Variants in SENP7 observed in about 807,000 individuals in gnomAD.
The protein encoded by SENP7 is SUMO specific peptidase 7.
A neutral mutation model predicts 141.2 loss-of-function variants in SENP7; 64 were observed. The ratio of observed to expected loss-of-function variants is 0.45; its 90% confidence interval spans 0.37 to 0.56. The LOEUF is 0.56. SENP7 is among the 20% of genes least tolerant of loss of function. The probability of loss-of-function intolerance (pLI) is 0.00; values close to 1 mark genes in which losing one functional copy is unlikely to be tolerated. For synonymous variants in SENP7, 382 were observed against 426.4 expected (o/e 0.90, Z 1.28); for missense variants, 1,025 against 1,212.2 (o/e 0.85, Z 2.29).
At chr3:101,429,734 G>A (rs2062091596) in intron 4 of SENP7, among the ~76,000 whole-genome samples, 1 of 152,128 alleles carries the variant, frequency 6.6e-6, no homozygotes, top group South Asian at 2.1e-4. Flanking sequence ...ACGTTGAATA[G>A]GAGTAGTAAG....
intron 4 of SENP7, among the ~76,000 whole-genome samples, chr3:101,438,252 T>C (rs1320274761): frequency 6.6e-6 from 1 of 152,196 alleles, no homozygotes; most frequent in African/African-American, 2.4e-5. Context: ...TTATTCACCT[T>C]TCAAAAGGAA....
At chr3:101,497,887 C>T (rs1053845807) in intron 2 of SENP7, among the ~76,000 whole-genome samples, 1 of 152,234 alleles carries the variant, frequency 6.6e-6, no homozygotes, top group Non-Finnish European at 1.5e-5. Context: ...ATCACAGCCT[C>T]AACTCCCCTG....
chr3:101,425,249 A>G (rs996781705), intron 4 of SENP7, among the ~76,000 whole-genome samples: 1 of 152,130 alleles, frequency 6.6e-6, no homozygotes, highest in African/African-American at 2.4e-5. Context: ...TTTAGCTGAC[A>G]CCACCCATTG....
intron 3 of SENP7, among the ~76,000 whole-genome samples, chr3:101,489,163 G>A (rs556264302): frequency 6.6e-6 from 1 of 152,130 alleles, no homozygotes; most frequent in Non-Finnish European, 1.5e-5. Context: ...GTCCTTAAGG[G>A]AGTACTAAAC....
At chr3:101,416,084 G>A (rs2061612258) in intron 5 of SENP7, among the ~76,000 whole-genome samples, 1 of 152,186 alleles carries the variant, frequency 6.6e-6, no homozygotes, top group African/African-American at 2.4e-5. Context: ...ACAGGCACAA[G>A]TTTGAGAAAA....
chr3:101,358,278 A>G (rs1310631430), intron 11 of SENP7: 2 of 1,069,198 alleles, frequency 1.9e-6, no homozygotes, highest in African/African-American at 3.2e-5. Context: ...GAATGTGGCA[A>G]AGCTTTTAAC....
At position 101,409,796 on chromosome 3, in the gene SENP7, T is replaced by A. The variant is rs561832486; in HGVS notation, c.482+7797A>T. On this transcript the variant is annotated intron_variant, in intron 5 of 23. Coordinates refer to ENST00000394095, the MANE Select transcript of SENP7 (RefSeq NM_020654.5). ...GTACAAAAATCAACTCAAGATGGAT[T>A]AAGGACTTAAATCTAAGACCTGAAT... Among the ~76,000 whole-genome samples, 9 of 152,306 alleles carry A rather than the reference T, an allele frequency of 5.9e-5. No individual in the cohort carries two copies. The South Asian group carries it at 1.7e-3, about 28-fold the overall frequency.
chr3:101,362,948 T>C (rs1308954680), intron 10 of SENP7, among the ~76,000 whole-genome samples: 1 of 152,190 alleles, frequency 6.6e-6, no homozygotes, highest in Non-Finnish European at 1.5e-5. Flanking sequence ...TTTCAACTTT[T>C]TCAAATGTGC....
chr3:101,455,526 CA>C (rs1044060432), intron 4 of SENP7, among the ~76,000 whole-genome samples: 29 of 151,858 alleles, frequency 1.9e-4, no homozygotes, highest in African/African-American at 6.8e-4. Context: ...GGAAGAACAG[CA>C]TAATTTGATT....
chr3:101,367,764 C>G (rs1318526847), intron 8 of SENP7, 66 bp downstream of exon 8: 1 of 1,027,088 alleles, frequency 9.7e-7, no homozygotes, highest in African/African-American at 1.7e-5. Flanking sequence ...ATTATTTGGC[C>G]ACAGTCAACT....
chr3:101,444,114 T>A (rs916575270), intron 4 of SENP7, among the ~76,000 whole-genome samples: 2 of 133,884 alleles, frequency 1.5e-5, no homozygotes, highest in African/African-American at 5.3e-5. Context: ...AAGAAGACAT[T>A]TATGCAGCCA....
At chr3:101,429,175 C>T (rs1279976949) in intron 4 of SENP7, among the ~76,000 whole-genome samples, 1 of 151,340 alleles carries the variant, frequency 6.6e-6, no homozygotes, top group African/African-American at 2.4e-5. Context: ...GCTACGCGGG[C>T]TCTTTTTTGG....
At chr3:101,412,590 A>G in intron 5 of SENP7, among the ~76,000 whole-genome samples, 1 of 152,226 alleles carries the variant, frequency 6.6e-6, no homozygotes, top group South Asian at 2.1e-4. Context: ...AAGATAAATA[A>G]ATATATTTAC....
intron 13 of SENP7, among the ~76,000 whole-genome samples, chr3:101,344,885 T>C (rs2059415421): frequency 6.7e-6 from 1 of 148,786 alleles, no homozygotes; most frequent in Admixed American, 6.9e-5. Context: ...CTCACACTTG[T>C]AACACTAAAA....
chr3:101,470,990 TG>T (rs1261137766), intron 3 of SENP7, among the ~76,000 whole-genome samples: 9 of 151,966 alleles, frequency 5.9e-5, no homozygotes, highest in Non-Finnish European at 1.0e-4. Flanking sequence ...CACTGCTCAA[TG>T]AAATAAAAGA....
chr3:101,506,708 T>A (rs1369674833), intron 1 of SENP7, among the ~76,000 whole-genome samples: 1 of 152,156 alleles, frequency 6.6e-6, no homozygotes, highest in African/African-American at 2.4e-5. Context: ...GAAACAGGCA[T>A]AAATTTAAGT....
At chr3:101,490,077 G>A (rs919010498) in intron 3 of SENP7, among the ~76,000 whole-genome samples, 3 of 151,868 alleles carry the variant, frequency 2.0e-5, no homozygotes, top group African/African-American at 7.3e-5. Context: ...CCAGCTACTC[G>A]GGAGGCTGTG....
chr3:101,408,210 A>T (rs1249895003), intron 5 of SENP7, among the ~76,000 whole-genome samples: 1 of 152,156 alleles, frequency 6.6e-6, no homozygotes, highest in Non-Finnish European at 1.5e-5. Context: ...GGAAAGATAG[A>T]ACCCTCCTAG....
intron 4 of SENP7, among the ~76,000 whole-genome samples, chr3:101,425,082 C>G (rs1218844222): frequency 2.6e-5 from 4 of 152,212 alleles, no homozygotes; most frequent in Admixed American, 2.6e-4. Context: ...TCACATGGAA[C>G]TGTGAGTCTA....
Sources: allele counts gnomAD v4.1 joint callset (sites outside exome capture counted in the v4.1 genomes callset), GRCh38; gene constraint gnomAD v4.1.1; transcripts MANE v1.5; gene names NCBI Gene and HGNC (gene_info 2026-07-23, HGNC 2026-07-21).